The following EPC1 variants were observed in gnomAD, a reference collection of about 807,000 sequenced individuals.
EPC1 encodes the protein enhancer of polycomb 1.
A neutral mutation model predicts 98.4 loss-of-function variants in EPC1; 12 were observed. The observed-to-expected ratio is 0.12, with a 90% CI of 0.08 to 0.20. The LOEUF (loss-of-function observed/expected upper bound fraction) is 0.20. Ranked by LOEUF, EPC1 falls within the 10% of genes least tolerant of loss-of-function variation. The probability of loss-of-function intolerance (pLI) is 1.00; values close to 1 mark genes in which losing one functional copy is unlikely to be tolerated. For missense variants in EPC1, 729 were observed against 990.5 expected (o/e 0.74, Z 3.54); for synonymous variants, 357 against 363.9 (o/e 0.98, Z 0.21).
At chr10:32,280,513 G>C (rs566298568) in intron 10 of EPC1, among the ~76,000 whole-genome samples, 129 of 150,448 alleles carry the variant, frequency 8.6e-4, no homozygotes, top group Middle Eastern at 3.6e-3. Context: ...GGCCGAAACG[G>C]GTGGATCACA....
rs1306046855 is a variant in EPC1, at chr10:32,364,005, T to C, written c.3+14486A>G. ...GTATCGTGTCCATCATGTTGGCATT[T>C]TTTTTTTTTTTTTTTTTTTTTTTTT... On this transcript the variant is annotated intron_variant, in intron 1 of 13. Transcript: ENST00000375110. Among the ~76,000 whole-genome samples, 597 of 117,082 alleles carry C rather than the reference T, an allele frequency of 5.1e-3. 21 individuals carry two copies. Among genetic ancestry groups the C allele is most frequent in the African/African-American group, 0.019 (567 of 29,292 alleles). The allele number at this position is 117,082 out of a possible 152,430, so 76.8% of individuals were successfully genotyped here.
At position 32,284,784 on chromosome 10, in the gene EPC1, ATACTCC is replaced by A; in HGVS notation, c.1652_1657del (p.Arg551_Ser552del). The A allele has an allele frequency of 6.2e-7, 1 of 1,614,222 alleles. No individual in the cohort carries two copies. Among genetic ancestry groups the A allele is most frequent in the Non-Finnish European group, 8.5e-7 (1 of 1,180,050 alleles). Reference sequence around the variant, plus strand: ...AGGTTGTGCTGTTCCTGTTCGGTTTATACTCCTATATAATTTTCTACAGGAGAGTTC... The same window carrying A: ...AGGTTGTGCTGTTCCTGTTCGGTTTATATATAATTTTCTACAGGAGAGTTC... On this transcript the variant is annotated inframe_deletion, in exon 10 of 14. Transcript: ENST00000319778.
At chr10:32,295,622 AT>A (rs1424508474) in intron 2 of EPC1, among the ~76,000 whole-genome samples, 1 of 152,214 alleles carries the variant, frequency 6.6e-6, no homozygotes, top group African/African-American at 2.4e-5. Flanking sequence ...AAACTGTTAG[AT>A]TAAAAACACT....
chr10:32,287,046 T>C (rs748372092), intron 7 of EPC1, 31 bp from the exon 8 acceptor site: 2 of 1,613,658 alleles, frequency 1.2e-6, no homozygotes, highest in Non-Finnish European at 1.7e-6. Flanking sequence ...GTAGGTCAGA[T>C]ACGTGACTTC....
At chr10:32,304,003 T>C (rs529959488) in intron 2 of EPC1, among the ~76,000 whole-genome samples, 8 of 152,376 alleles carry the variant, frequency 5.3e-5, no homozygotes, top group African/African-American at 1.7e-4. Flanking sequence ...TATTCCAAAG[T>C]ATACATCTTT....
At chr10:32,346,452 A>T in intron 1 of EPC1, 1 of 297,924 alleles carries the variant, frequency 3.4e-6, no homozygotes, top group Non-Finnish European at 6.4e-6. Flanking sequence ...GCCCAACCCA[A>T]GAACTAAGAC....
At chr10:32,343,374 C>G (rs946774918) in intron 1 of EPC1, among the ~76,000 whole-genome samples, 6 of 152,116 alleles carry the variant, frequency 3.9e-5, no homozygotes, top group Non-Finnish European at 5.9e-5. Context: ...CCACGGCTGG[C>G]TAATTTTTGT....
chr10:32,333,014 G>A (rs917421510), intron 1 of EPC1, among the ~76,000 whole-genome samples: 2 of 152,154 alleles, frequency 1.3e-5, no homozygotes, highest in African/African-American at 4.8e-5. Flanking sequence ...GGGGCAGGAG[G>A]CTTAGTAACA....
At position 32,347,129 on chromosome 10, in the gene EPC1, C is replaced by T. The variant is rs1321617433; in HGVS notation, c.-214G>A. 10 of 1,427,832 alleles carry T rather than the reference C, an allele frequency of 7.0e-6. No individual in the cohort carries two copies. Among genetic ancestry groups the T allele is most frequent in the Admixed American group, 5.8e-5 (2 of 34,250 alleles). 88.4% of individuals were successfully genotyped at this position (1,427,832 alleles called of 1,614,324 possible). A position where few individuals can be genotyped will look rare whatever the true frequency, so the allele number is the denominator to read the frequency against. The stretch of plus-strand genomic sequence containing the variant: ...GCTCGCTCTCTTCAATACGCCATGG[C>T]CAACATGGCGGACATTAAAACTCCA... On this transcript the variant is annotated 5_prime_UTR_variant, in exon 1 of 14. Coordinates refer to ENST00000319778, the MANE Select transcript of EPC1 (RefSeq NM_001272004.3).
At chr10:32,338,735 A>G (rs1289277051) in intron 1 of EPC1, among the ~76,000 whole-genome samples, 1 of 152,074 alleles carries the variant, frequency 6.6e-6, no homozygotes, top group African/African-American at 2.4e-5. Flanking sequence ...CTACCCAAAG[A>G]AAATTATCCT....
intron 6 of EPC1, among the ~76,000 whole-genome samples, chr10:32,290,505 A>AAAAAAAAAAAAAAAAAAAAGAAAGAAAG (rs1554819136): frequency 3.9e-5 from 3 of 77,472 alleles, no homozygotes; most frequent in Non-Finnish European, 7.0e-5. Flanking sequence ...AAAAAAAAAA[A>AAAAAAAAAAAAAAAAAAAAGAAAGAAAG]AAAGAAAGAA....
chr10:32,275,109 C>A (rs981023494), intron 10 of EPC1, among the ~76,000 whole-genome samples: 1 of 152,208 alleles, frequency 6.6e-6, no homozygotes, highest in Non-Finnish European at 1.5e-5. Context: ...TTAGCATTCA[C>A]TGAATGTCTA....
chr10:32,324,674 AAAACAAACAAAC>A (rs151134554), intron 1 of EPC1, among the ~76,000 whole-genome samples: 6 of 151,876 alleles, frequency 4.0e-5, no homozygotes, highest in African/African-American at 1.5e-4. Flanking sequence ...CTAATCTTAA[AAAACAAACAAAC>A]AAACAAACAA....
chr10:32,320,970 T>A (rs1177364412), intron 1 of EPC1, among the ~76,000 whole-genome samples: 1 of 152,182 alleles, frequency 6.6e-6, no homozygotes, highest in African/African-American at 2.4e-5. Context: ...CCACAATATA[T>A]GTCATCAATT....
intron 11 of EPC1, among the ~76,000 whole-genome samples, chr10:32,272,846 A>G (rs1405019964): frequency 2.0e-5 from 3 of 152,242 alleles, no homozygotes; most frequent in African/African-American, 7.2e-5. Flanking sequence ...AAAAGCCTTA[A>G]TAATAATTAA....
At chr10:32,346,705 C>G (rs1838849662) in intron 1 of EPC1, 58 bp downstream of exon 1, 3 of 1,531,648 alleles carry the variant, frequency 2.0e-6, no homozygotes, top group East Asian at 2.3e-5. Flanking sequence ...CCGCCGCCGC[C>G]GCAGGCAGCA....
At chr10:32,281,450 G>A (rs73245638) in intron 10 of EPC1, among the ~76,000 whole-genome samples, 10,663 of 152,190 alleles carry the variant, frequency 0.07, 1,268 homozygotes, top group African/African-American at 0.24. Flanking sequence ...TGGTTTGTAT[G>A]TGGGGGCCAT....
rs774241671 is a variant in EPC1 at position 32,285,049 on chromosome 10, C to A, written c.1393G>T (p.Val465Phe). The A allele has an allele frequency of 5.0e-6, 8 of 1,599,414 alleles. No homozygotes were observed. Among genetic ancestry groups the A allele is most frequent in the Non-Finnish European group, 6.0e-6 (7 of 1,171,850 alleles). Residue 465 changes from valine (V) to phenylalanine (F), a missense_variant and splice_region_variant, in exon 10 of 14, where the codon GTC becomes TTC. Val to Phe is a conservative substitution (Grantham distance 50). Transcript: ENST00000319778. Reference protein sequence around the residue: ...ARRRVGRGGRVLLDRAHSDYD... With the variant: ...ARRRVGRGGRFLLDRAHSDYD... ...TCTGAATGAGCTCTGTCCAGTAAGA[C>A]CCTATTAAAAAATCAGACAAGAAAC...
chr10:32,279,378 G>A (rs1358976099), intron 10 of EPC1, among the ~76,000 whole-genome samples: 1 of 150,010 alleles, frequency 6.7e-6, no homozygotes, highest in African/African-American at 2.4e-5. Flanking sequence ...AAAAACTTAT[G>A]AATTTTGGAA....
Sources: allele counts gnomAD v4.1 joint callset (sites outside exome capture counted in the v4.1 genomes callset), GRCh38; gene constraint gnomAD v4.1.1; transcripts MANE v1.5; gene names NCBI Gene and HGNC (gene_info 2026-07-23, HGNC 2026-07-21).